The following FLI1 variants were observed in gnomAD, a reference collection of about 807,000 sequenced individuals.
The protein encoded by FLI1 is Friend leukemia integration 1 transcription factor.
FLI1 carries 13 observed loss-of-function variants against 53.1 expected under a neutral mutation model. The ratio of observed to expected loss-of-function variants is 0.24; its 90% CI spans 0.16 to 0.39. The LOEUF is 0.39. Ranked by LOEUF, FLI1 falls within the 10% of genes least tolerant of loss-of-function variation. FLI1 has a pLI of 1.00. For missense variants in FLI1, 424 were observed against 600.5 expected, an observed-to-expected ratio of 0.71 and a Z score of 3.07; for synonymous variants, 244 against 236.7, an observed-to-expected ratio of 1.03 and a Z score of -0.28.
chr11:128,740,957 G>A (rs146260186), intron 1 of FLI1, among the ~76,000 whole-genome samples: 14 of 152,308 alleles, frequency 9.2e-5, no homozygotes, highest in East Asian at 3.9e-4. Flanking sequence ...TCATGCCAAC[G>A]TTGTTGTTAA....
At chr11:128,716,765 C>T (rs1939033408) in intron 1 of FLI1, among the ~76,000 whole-genome samples, 1 of 152,162 alleles carries the variant, frequency 6.6e-6, no homozygotes, top group Non-Finnish European at 1.5e-5. Flanking sequence ...CTCTGCATTC[C>T]TTCTGGGCTT....
chr11:128,702,853 T>G (rs1175213241), intron 1 of FLI1, among the ~76,000 whole-genome samples: 1 of 140,488 alleles, frequency 7.1e-6, no homozygotes, highest in African/African-American at 2.7e-5. Flanking sequence ...CAGGGCGAGA[T>G]TCTGTCTCAA....
intron 1 of FLI1, 138 bp downstream of exon 1, chr11:128,694,414 C>T (rs1386825888): frequency 3.0e-6 from 2 of 671,224 alleles, no homozygotes; most frequent in Non-Finnish European, 4.3e-6. Flanking sequence ...GCGCCGGCTC[C>T]TCCGGCGCTC....
upstream of FLI1, among the ~76,000 whole-genome samples, chr11:128,688,920 C>T (rs1252823918): frequency 6.6e-6 from 1 of 152,136 alleles, no homozygotes; most frequent in Non-Finnish European, 1.5e-5. Flanking sequence ...AGGAGGTAGT[C>T]CATTCTGCAG....
intron 1 of FLI1, among the ~76,000 whole-genome samples, chr11:128,731,456 G>C (rs893872758): frequency 2.0e-4 from 29 of 146,250 alleles, no homozygotes; most frequent in African/African-American, 7.5e-4. Context: ...AGTATGAAAG[G>C]GTGGTTAACA....
chr11:128,809,702 T>C (rs1942887314), intron 8 of FLI1, among the ~76,000 whole-genome samples: 1 of 152,192 alleles, frequency 6.6e-6, no homozygotes, highest in Admixed American at 6.5e-5. Context: ...AAAGATTTAG[T>C]ATCAAAAATA....
chr11:128,716,607 A>C (rs1939026013), intron 1 of FLI1, among the ~76,000 whole-genome samples: 1 of 152,110 alleles, frequency 6.6e-6, no homozygotes, highest in Non-Finnish European at 1.5e-5. Flanking sequence ...GAACCTAGAC[A>C]CTGGGATCTT....
rs369618104 is a variant in FLI1 at position 128,764,810 on chromosome 11, C to A, written c.231-3308C>A. 6 of 1,592,400 alleles carry A rather than the reference C, an allele frequency of 3.8e-6. No homozygotes were observed. The Admixed American group carries it at 8.4e-5, about 22-fold the overall frequency. ...CAAGAATGGAGGGAGGACTGGCAGG[C>A]GAGCGGGCGAGGTATGGCTTTCCTT... On this transcript the variant is annotated intron_variant, in intron 2 of 8. Coordinates refer to ENST00000527786, the MANE Select transcript of FLI1 (RefSeq NM_002017.5).
At chr11:128,732,249 T>C (rs1265701935) in intron 1 of FLI1, among the ~76,000 whole-genome samples, 1 of 152,210 alleles carries the variant, frequency 6.6e-6, no homozygotes, top group South Asian at 2.1e-4. Context: ...TCCAGCTATC[T>C]TCCCCCCTTC....
At chr11:128,688,218 G>C (rs1466486396) in intron 1 of FLI1, among the ~76,000 whole-genome samples, 1 of 152,306 alleles carries the variant, frequency 6.6e-6, no homozygotes, top group East Asian at 1.9e-4. Context: ...AGCCCTAGAG[G>C]GGCACGTGGG....
chr11:128,764,843 T>C (rs1941269027), intron 2 of FLI1: 1 of 1,590,700 alleles, frequency 6.3e-7, no homozygotes, highest in Non-Finnish European at 8.5e-7. Context: ...CTTCTTTCTC[T>C]CCCTGAGCAG....
At chr11:128,717,537 G>T (rs767983341) in intron 1 of FLI1, among the ~76,000 whole-genome samples, 8 of 152,158 alleles carry the variant, frequency 5.3e-5, no homozygotes, top group Non-Finnish European at 1.2e-4. Flanking sequence ...TGCAGGGCAG[G>T]CAGGAAGTGC....
chr11:128,705,160 GT>G (rs1938495556), intron 1 of FLI1, among the ~76,000 whole-genome samples: 1 of 152,184 alleles, frequency 6.6e-6, no homozygotes, highest in African/African-American at 2.4e-5. Flanking sequence ...GACCATGTAG[GT>G]TTTGTTACTA....
intron 1 of FLI1, among the ~76,000 whole-genome samples, chr11:128,719,232 C>T (rs1565464691): frequency 2.0e-5 from 3 of 150,978 alleles, no homozygotes; most frequent in Non-Finnish European, 1.5e-5. Flanking sequence ...CATTTCCGGC[C>T]ATGTGACTGG....
chr11:128,704,291 AC>A (rs113294851), intron 1 of FLI1, among the ~76,000 whole-genome samples: 4,578 of 152,070 alleles, frequency 0.03, 257 homozygotes, highest in African/African-American at 0.1. Context: ...CTGTGGAGTG[AC>A]CCTCAAGGCC....
At chr11:128,765,666 C>T (rs1384959177) in intron 2 of FLI1, among the ~76,000 whole-genome samples, 1 of 152,184 alleles carries the variant, frequency 6.6e-6, no homozygotes, top group African/African-American at 2.4e-5. Flanking sequence ...GAAAACCTTG[C>T]TCACTTGGTT....
chr11:128,772,002 CT>C (rs1941575705), intron 3 of FLI1, among the ~76,000 whole-genome samples: 1 of 151,208 alleles, frequency 6.6e-6, no homozygotes, highest in Non-Finnish European at 1.5e-5. Context: ...GAACTCATCA[CT>C]TGTGCTGAAA....
intron 4 of FLI1, among the ~76,000 whole-genome samples, chr11:128,779,279 G>A (rs921671229): frequency 2.0e-5 from 3 of 152,190 alleles, no homozygotes; most frequent in Non-Finnish European, 4.4e-5. Flanking sequence ...TTCTTTATTT[G>A]CTCCAGCAGT....
chr11:128,767,365 G>A (rs920355139), intron 2 of FLI1, among the ~76,000 whole-genome samples: 1 of 152,164 alleles, frequency 6.6e-6, no homozygotes, highest in Non-Finnish European at 1.5e-5. Context: ...CAGCTCTTTT[G>A]CATGTGTGCT....
Sources: allele counts gnomAD v4.1 joint callset (sites outside exome capture counted in the v4.1 genomes callset), GRCh38; gene constraint gnomAD v4.1.1; transcripts MANE v1.5; gene names NCBI Gene and HGNC (gene_info 2026-07-23, HGNC 2026-07-21).